The following CKAP5 variants were observed in gnomAD, a reference collection of about 807,000 sequenced individuals.
CKAP5 encodes the protein cytoskeleton-associated protein 5.
A neutral mutation model predicts 232.8 loss-of-function variants in CKAP5; 27 were observed. That is an observed-to-expected ratio of 0.12 (90% CI 0.09 to 0.16). CKAP5 has a LOEUF of 0.16. Among genes scored for constraint, CKAP5 ranks in the 10% least tolerant of loss-of-function variants. CKAP5 has a pLI of 1.00. For missense variants in CKAP5, 1,838 were observed against 2,424.7 expected, an observed-to-expected ratio of 0.76 and a Z score of 5.08; for synonymous variants, 785 against 841.1, an observed-to-expected ratio of 0.93 and a Z score of 1.16.
At position 46,763,511 on chromosome 11, in the gene CKAP5, A is replaced by C; in HGVS notation, c.3657T>G (p.His1219Gln). Residue 1219 changes from histidine (H) to glutamine (Q), a missense_variant, in exon 29 of 44, where the codon CAT becomes CAG. His to Gln is a conservative substitution (Grantham distance 24, BLOSUM62 0). This residue lies in a region of CKAP5 where 48 missense variants were observed against 98.1 expected (regional missense o/e 0.49). Transcript: ENST00000529230. ...CCATAACAGCAAGGGCTTTGTTATG[A>C]TGCTGAAAGTCTGAGTGAAACATCT... ...QDEMFHSDFQ[H>Q]HNKALAVMVD... is the part of the protein sequence containing the mutation. 6.2e-7 allele frequency: 1 copy of C among 1,602,452 alleles called. No homozygotes were observed. The highest frequency in any genetic ancestry group is 1.8e-5 in the Admixed American group (1 of 55,872).
chr11:46,790,269 T>TA (rs1938685308), intron 14 of CKAP5, 83 bp from the exon 15 acceptor site: 1 of 943,018 alleles, frequency 1.1e-6, no homozygotes, highest in Admixed American at 2.3e-5. Context: ...CAGCCAAAAC[T>TA]AAAAGAATAC....
intron 1 of CKAP5, among the ~76,000 whole-genome samples, chr11:46,841,495 A>G (rs1362560785): frequency 2.0e-5 from 3 of 152,214 alleles, no homozygotes; most frequent in Non-Finnish European, 4.4e-5. Context: ...CTTGGCTCAC[A>G]GACACATATG....
intron 23 of CKAP5, among the ~76,000 whole-genome samples, chr11:46,777,128 A>G (rs2065298509): frequency 6.6e-6 from 1 of 152,252 alleles, no homozygotes; most frequent in Non-Finnish European, 1.5e-5. Context: ...TGTGCATACT[A>G]TATGAGACAG....
chr11:46,788,934 T>C (rs1237075793), intron 15 of CKAP5, among the ~76,000 whole-genome samples, 161 bp from the exon 16 acceptor site: 7 of 152,234 alleles, frequency 4.6e-5, no homozygotes, highest in Non-Finnish European at 1.0e-4. Context: ...TGTTATGCTT[T>C]ATTTCTTTGT....
At chr11:46,764,721 A>T (rs941958390) in intron 28 of CKAP5, among the ~76,000 whole-genome samples, 1 of 152,196 alleles carries the variant, frequency 6.6e-6, no homozygotes, top group Non-Finnish European at 1.5e-5. Flanking sequence ...TATAATTTTT[A>T]AAAAAGATTA....
intron 42 of CKAP5, among the ~76,000 whole-genome samples, chr11:46,749,108 C>T (rs541428979): frequency 2.5e-4 from 38 of 151,598 alleles, no homozygotes; most frequent in African/African-American, 8.4e-4. Context: ...GGATTACAGG[C>T]GTGAGCCACC....
intron 16 of CKAP5, 86 bp downstream of exon 16, chr11:46,788,595 G>A (rs957188936): frequency 2.6e-5 from 21 of 805,874 alleles, no homozygotes; most frequent in Middle Eastern, 2.4e-4. Context: ...AAATCATTAC[G>A]AAAACTATTC....
Position 46,762,199 on chromosome 11 carries a change from G to T in CKAP5, c.4028-6C>A. On this transcript the variant is annotated splice_polypyrimidine_tract_variant and splice_region_variant and intron_variant, in intron 31 of 43. Transcript: ENST00000529230. The stretch of plus-strand genomic sequence containing the variant: ...TCCCAGCTCTTCCAGGCACTCTGAT[G>T]GGGGAGAAAGGCTAGATTAATGAGA... 6.2e-7 allele frequency: 1 copy of T among 1,612,232 alleles called. No individual in the cohort carries two copies. The highest frequency in any genetic ancestry group is 8.5e-7 in the Non-Finnish European group (1 of 1,178,956).
intron 7 of CKAP5, among the ~76,000 whole-genome samples, chr11:46,808,929 C>A (rs1055885239): frequency 6.6e-6 from 1 of 152,158 alleles, no homozygotes; most frequent in Non-Finnish European, 1.5e-5. Flanking sequence ...TAGGGAACTT[C>A]CGGCAATGTT....
At chr11:46,800,145 T>A (rs561899776) in intron 9 of CKAP5, among the ~76,000 whole-genome samples, 28 of 152,306 alleles carry the variant, frequency 1.8e-4, no homozygotes, top group Non-Finnish European at 2.8e-4. Context: ...CATATACACA[T>A]CGATATTATA....
chr11:46,828,268 GATAA>G (rs1305620624), intron 1 of CKAP5, among the ~76,000 whole-genome samples: 5 of 152,100 alleles, frequency 3.3e-5, no homozygotes, highest in East Asian at 1.9e-4. Context: ...GGGCGGGGTA[GATAA>G]ATAAATAAAG....
At chr11:46,774,483 A>G in intron 24 of CKAP5, among the ~76,000 whole-genome samples, 1 of 152,224 alleles carries the variant, frequency 6.6e-6, no homozygotes, top group East Asian at 1.9e-4. Flanking sequence ...AATTAGAAAA[A>G]ACTACTTTAA....
intron 1 of CKAP5, among the ~76,000 whole-genome samples, chr11:46,843,231 A>C (rs1322261599): frequency 2.0e-5 from 3 of 152,196 alleles, no homozygotes; most frequent in Admixed American, 6.5e-5. Context: ...TGTGGAAACA[A>C]TAGGTAGATG....
chr11:46,771,900 T>C (rs1376455969), intron 24 of CKAP5, among the ~76,000 whole-genome samples: 3 of 152,202 alleles, frequency 2.0e-5, no homozygotes, highest in African/African-American at 7.2e-5. Flanking sequence ...CCAGCAGCAA[T>C]GCATGACTGT....
At chr11:46,813,188 A>G (rs1321352211) in intron 4 of CKAP5, among the ~76,000 whole-genome samples, 2 of 152,188 alleles carry the variant, frequency 1.3e-5, no homozygotes, top group Non-Finnish European at 2.9e-5. Flanking sequence ...AAGATTTTTT[A>G]AAATGCTTTT....
intron 38 of CKAP5, among the ~76,000 whole-genome samples, chr11:46,752,183 T>TACACACAC (rs1356619559): frequency 1.5e-5 from 1 of 65,662 alleles, no homozygotes; most frequent in Non-Finnish European, 3.3e-5. Flanking sequence ...TATATATATA[T>TACACACAC]ATATATATAT....
rs747639125 is a variant in CKAP5 at position 46,770,997 on chromosome 11, A to G, written c.2992-15T>C. On this transcript the variant is annotated splice_polypyrimidine_tract_variant and intron_variant, in intron 24 of 43. Transcript: ENST00000529230. ...CAGCCCAGAAGCTGCCAAAAGAAAT[A>G]AAGACTAGTTACACACTTCAAATGA... 6.2e-7 allele frequency: 1 copy of G among 1,607,392 alleles called. No individual in the cohort carries two copies. The highest frequency in any genetic ancestry group is 1.7e-5 in the Admixed American group (1 of 59,364).
At chr11:46,844,198 G>A (rs1250463657) in intron 1 of CKAP5, among the ~76,000 whole-genome samples, 4 of 151,598 alleles carry the variant, frequency 2.6e-5, no homozygotes, top group Non-Finnish European at 4.4e-5. Flanking sequence ...CTCTAGCCTG[G>A]GCGAAAGAGC....
intron 2 of CKAP5, 117 bp from the exon 3 acceptor site, chr11:46,818,620 A>C: frequency 2.8e-6 from 2 of 709,146 alleles, no homozygotes; most frequent in Non-Finnish European, 4.3e-6. Flanking sequence ...AGGTAATGTA[A>C]ACAAAGGACC....
Sources: allele counts gnomAD v4.1 joint callset (sites outside exome capture counted in the v4.1 genomes callset), GRCh38; gene constraint gnomAD v4.1.1; regional missense constraint gnomAD v4.1.1; transcripts MANE v1.5; gene names NCBI Gene and HGNC (gene_info 2026-07-23, HGNC 2026-07-21).